Variants in CCDC144A observed in about 807,000 individuals in gnomAD.
The protein encoded by CCDC144A is coiled-coil domain-containing protein 144A.
CCDC144A carries 41 observed loss-of-function variants against 143.8 expected under a neutral mutation model. The ratio of observed to expected loss-of-function variants is 0.29; its 90% CI spans 0.22 to 0.37. CCDC144A has a LOEUF of 0.37. CCDC144A is among the 10% of genes least tolerant of loss of function. The pLI is 1.00. For missense variants in CCDC144A, 637 were observed against 1,488.8 expected (o/e 0.43, Z 9.41); for synonymous variants, 242 against 517.9 (o/e 0.47, Z 7.23).
intron 6 of CCDC144A, among the ~76,000 whole-genome samples, chr17:16,714,890 C>T (rs896935025): frequency 3.3e-5 from 5 of 152,120 alleles, no homozygotes; most frequent in Admixed American, 2.0e-4. Flanking sequence ...TCTTGCTCTT[C>T]GTTATCTATC....
chr17:16,673,972 A>C, the CCDC144A span, among the ~76,000 whole-genome samples: 1 of 152,158 alleles, frequency 6.6e-6, no homozygotes, highest in African/African-American at 2.4e-5. Context: ...CTGAATACAA[A>C]ATATTTATTT....
chr17:16,717,323 G>A (rs186448116), intron 6 of CCDC144A, among the ~76,000 whole-genome samples: 5,492 of 136,810 alleles, frequency 0.04, 133 homozygotes, highest in Middle Eastern at 0.16. Context: ...TGTTGGCCAG[G>A]ATGGTCTCGA....
chr17:16,690,633 T>A lies in CCDC144A; in HGVS notation c.233T>A (p.Leu78Gln), dbSNP rs1200303334. The A allele has an allele frequency of 6.2e-7, 1 of 1,613,806 alleles. No individual in the cohort carries two copies. Among genetic ancestry groups the A allele is most frequent in the East Asian group, 2.2e-5 (1 of 44,878 alleles). ...ALDQPQHDVR[L>Q]EDLGELHRAA... ...GACCAGCCCCAGCACGACGTCCGCC[T>A]GGAAGATCTTGGCGAGCTCCACAGA... The change falls in exon 1 of 17, where the codon CTG (leucine) becomes CAG (glutamine). Residue 78 changes from leucine (L) to glutamine (Q), a missense_variant. Coordinates refer to ENST00000399273, the MANE Select transcript of CCDC144A (RefSeq NM_001382000.1).
At chr17:16,673,374 A>G in the CCDC144A span, among the ~76,000 whole-genome samples, 1 of 151,782 alleles carries the variant, frequency 6.6e-6, no homozygotes, top group African/African-American at 2.4e-5. Context: ...ACATGTATCA[A>G]AAAGTTATCT....
chr17:16,673,442 A>G, the CCDC144A span, among the ~76,000 whole-genome samples: 1 of 149,830 alleles, frequency 6.7e-6, no homozygotes, highest in African/African-American at 2.5e-5. Flanking sequence ...GCTGGAGTAC[A>G]GTGGCGCCAC....
chr17:16,672,368 C>A, the CCDC144A span, among the ~76,000 whole-genome samples: 1 of 151,846 alleles, frequency 6.6e-6, no homozygotes, highest in African/African-American at 2.4e-5. Flanking sequence ...TGGCTTGAAC[C>A]TGGGAGGTGG....
intron 12 of CCDC144A, among the ~76,000 whole-genome samples, chr17:16,750,162 C>T (rs1299014655): frequency 2.0e-5 from 3 of 151,976 alleles, no homozygotes; most frequent in Non-Finnish European, 2.9e-5. Flanking sequence ...TTTGTACTCT[C>T]GATTGTGTAG....
intron 12 of CCDC144A, among the ~76,000 whole-genome samples, chr17:16,742,304 A>G (rs1194535088): frequency 6.6e-6 from 1 of 152,152 alleles, no homozygotes; most frequent in Non-Finnish European, 1.5e-5. Flanking sequence ...GAGTGAAAAC[A>G]TACAGTAGTT....
chr17:16,746,084 C>T, intron 12 of CCDC144A: 1 of 1,605,834 alleles, frequency 6.2e-7, no homozygotes, highest in East Asian at 2.2e-5. Context: ...GCGAGCCTTC[C>T]ACGGGCCTGG....
intron 12 of CCDC144A, among the ~76,000 whole-genome samples, chr17:16,738,618 T>C (rs939134953): frequency 3.3e-5 from 5 of 152,264 alleles, no homozygotes; most frequent in Non-Finnish European, 7.3e-5. Context: ...CATGTATCAA[T>C]ATTTAATTTC....
rs1303451527 is a variant in CCDC144A, at chr17:16,755,292, G to T, written c.3373-6133G>T. ...TTATTAATTGTTTAGTGATTGTTTT[G>T]TCTATCATTTGTTCCTATCTTCCTC... On this transcript the variant is annotated intron_variant, in intron 12 of 16. Coordinates refer to ENST00000399273, the MANE Select transcript of CCDC144A (RefSeq NM_001382000.1). Among the ~76,000 whole-genome samples the T allele has an allele frequency of 2.6e-5, 4 of 152,298 alleles. No homozygotes were observed. The South Asian group carries it at 6.2e-4, about 24-fold the overall frequency.
chr17:16,755,897 A>G (rs1197623175), intron 12 of CCDC144A, among the ~76,000 whole-genome samples: 6 of 152,158 alleles, frequency 3.9e-5, no homozygotes, highest in Non-Finnish European at 7.3e-5. Context: ...TTTGCTAGGT[A>G]TAATATTCTT....
intron 2 of CCDC144A, among the ~76,000 whole-genome samples, chr17:16,698,353 T>A (rs1281314677): frequency 6.6e-6 from 1 of 151,494 alleles, no homozygotes; most frequent in Admixed American, 6.6e-5. Flanking sequence ...GTAAAGTGAG[T>A]TAACCTTTTA....
intron 12 of CCDC144A, chr17:16,745,667 C>G: frequency 4.4e-6 from 7 of 1,608,376 alleles, no homozygotes; most frequent in Non-Finnish European, 5.9e-6. Context: ...GACCAGTCCC[C>G]GAACCTTCTG....
chr17:16,694,290 A>G (rs570385122), intron 2 of CCDC144A, among the ~76,000 whole-genome samples: 3 of 152,326 alleles, frequency 2.0e-5, no homozygotes, highest in East Asian at 3.9e-4. Context: ...GGCAATAAGA[A>G]CTGTGAAATG....
At chr17:16,768,295 C>T (rs899319755) in intron 15 of CCDC144A, among the ~76,000 whole-genome samples, 18 of 152,088 alleles carry the variant, frequency 1.2e-4, no homozygotes, top group South Asian at 2.1e-4. Flanking sequence ...TTGAGATCCC[C>T]AATAAAACTT....
intron 2 of CCDC144A, among the ~76,000 whole-genome samples, chr17:16,694,841 C>A (rs1216414365): frequency 6.6e-6 from 1 of 152,116 alleles, no homozygotes; most frequent in Non-Finnish European, 1.5e-5. Flanking sequence ...GCTATGTTAA[C>A]AGTAATTTTG....
At chr17:16,696,294 A>G (rs866687898) in intron 2 of CCDC144A, among the ~76,000 whole-genome samples, 2,258 of 142,448 alleles carry the variant, frequency 0.016, 43 homozygotes, top group African/African-American at 0.044. Context: ...GATTACAGAT[A>G]TGAGCCACCA....
At chr17:16,763,332 G>A (rs1483661281) in intron 14 of CCDC144A, among the ~76,000 whole-genome samples, 2 of 151,358 alleles carry the variant, frequency 1.3e-5, no homozygotes, top group African/African-American at 2.4e-5. Context: ...TGATTCCTCA[G>A]TGCCAAATGC....
Sources: gnomAD v4.1 joint callset for allele counts (sites outside exome capture counted in the v4.1 genomes callset) on GRCh38, gnomAD v4.1.1 for gene constraint, MANE v1.5 for transcripts, NCBI Gene and HGNC (gene_info 2026-07-23, HGNC 2026-07-21) for gene names.